Variants in PLXNA4 observed in about 807,000 individuals in gnomAD.
The protein encoded by PLXNA4 is plexin A4, also known as plexin-A4.
PLXNA4 carries 44 observed loss-of-function variants against 191.8 expected under a neutral mutation model. That is an observed-to-expected ratio of 0.23 (90% CI 0.18 to 0.29). The LOEUF is 0.29. PLXNA4 is among the 10% of genes least tolerant of loss of function. The pLI, the probability that PLXNA4 is intolerant of heterozygous loss-of-function variation, is 1.00. For synonymous variants in PLXNA4, 1,082 were observed against 1,009.5 expected, an observed-to-expected ratio of 1.07 and a Z score of -1.36; for missense variants, 1,800 against 2,488.8, an observed-to-expected ratio of 0.72 and a Z score of 5.89.
intron 1 of PLXNA4, among the ~76,000 whole-genome samples, chr7:132,539,391 T>C (rs1799977632): frequency 1.3e-5 from 2 of 152,168 alleles, no homozygotes; most frequent in Non-Finnish European, 2.9e-5. Context: ...GGTTCTCAAG[T>C]TGCAATTGGT....
intron 1 of PLXNA4, among the ~76,000 whole-genome samples, chr7:132,527,680 A>G (rs1261609567): frequency 6.6e-6 from 1 of 152,152 alleles, no homozygotes; most frequent in Non-Finnish European, 1.5e-5. Flanking sequence ...CGGACCAATA[A>G]CCTGTATTCC....
chr7:132,300,930 G>T (rs989480823), intron 3 of PLXNA4, among the ~76,000 whole-genome samples: 1 of 152,180 alleles, frequency 6.6e-6, no homozygotes. Flanking sequence ...TTTATCTTTC[G>T]ACTCCAACTT....
chr7:132,536,338 A>G (rs183672314), intron 1 of PLXNA4, among the ~76,000 whole-genome samples: 1 of 152,098 alleles, frequency 6.6e-6, no homozygotes, highest in Non-Finnish European at 1.5e-5. Flanking sequence ...CCTAGTCTTG[A>G]TCCTTGCAAC....
intron 3 of PLXNA4, among the ~76,000 whole-genome samples, chr7:132,365,332 TGTGTG>T (rs1804112864): frequency 1.8e-5 from 2 of 112,776 alleles, no homozygotes; most frequent in African/African-American, 9.7e-5. Context: ...GGCCCGCGTG[TGTGTG>T]TGTGTGTGTG....
Position 132,474,640 on chromosome 7 carries a change from G to A in PLXNA4, c.1371+14652C>T, listed in dbSNP as rs955319884. The stretch of plus-strand genomic sequence containing the variant: ...CACATGTACACACACACACACACGC[G>A]CGCGCACGCACACACACACAATTAA... On this transcript the variant is annotated intron_variant, in intron 3 of 31. Transcript: ENST00000321063. 1.3e-3 allele frequency among the ~76,000 whole-genome samples: 180 copies of A among 143,086 alleles called. 1 individual carries two copies. The highest frequency in any genetic ancestry group is 4.7e-3 in the African/African-American group (167 of 35,334). The allele number at this position is 143,086 out of a possible 152,430, so 93.9% of individuals were successfully genotyped here. A position where few individuals can be genotyped will look rare whatever the true frequency, so the allele number is the denominator to read the frequency against.
chr7:132,151,355 A>AAGGAGGAGGAGGAGAAAGG (rs1562885023), intron 25 of PLXNA4, among the ~76,000 whole-genome samples: 45 of 28,660 alleles, frequency 1.6e-3, no homozygotes, highest in African/African-American at 4.1e-3. Context: ...GAGGAAGAAG[A>AAGGAGGAGGAGGAGAAAGG]AGGAGGAGGA....
intron 4 of PLXNA4, among the ~76,000 whole-genome samples, chr7:132,250,544 T>C (rs1173388363): frequency 1.3e-5 from 2 of 152,200 alleles, no homozygotes; most frequent in Admixed American, 6.5e-5. Flanking sequence ...TGAGCTCTCA[T>C]GCTCACATTC....
intron 3 of PLXNA4, among the ~76,000 whole-genome samples, chr7:132,391,684 A>G (rs150943720): frequency 0.012 from 1,778 of 152,246 alleles, 33 homozygotes; most frequent in African/African-American, 0.04. Flanking sequence ...ACCAGTGTGA[A>G]TTAATCTCCA....
intron 3 of PLXNA4, chr7:132,484,918 C>G (rs577727553): frequency 1.1e-5 from 17 of 1,614,222 alleles, no homozygotes; most frequent in Non-Finnish European, 1.4e-5. Context: ...ACACACACAG[C>G]ATCTGTTCCT....
chr7:132,629,759 C>T (rs1226905490), intron 2 of PLXNA4, among the ~76,000 whole-genome samples: 3 of 152,216 alleles, frequency 2.0e-5, no homozygotes, highest in African/African-American at 4.8e-5. Flanking sequence ...AGTAAGGGCT[C>T]TTTTCCTGGC....
At chr7:132,132,927 G>GTGGTTCC in intron 31 of PLXNA4, 122 bp downstream of exon 31, 1 of 1,414,726 alleles carries the variant, frequency 7.1e-7, no homozygotes, top group Non-Finnish European at 9.4e-7. Flanking sequence ...GTCCTCAGTG[G>GTGGTTCC]TGGTTCCCCC....
At position 132,130,136 on chromosome 7, in the gene PLXNA4, T is replaced by G; in HGVS notation, c.*343A>C. 7.8e-6 allele frequency: 2 copies of G among 256,320 alleles called. No homozygotes were observed. Among genetic ancestry groups the G allele is most frequent in the Non-Finnish European group, 1.6e-5 (2 of 128,952 alleles). The allele number at this position is 256,320 out of a possible 1,614,324, so 15.9% of individuals were successfully genotyped here. A position where few individuals can be genotyped will look rare whatever the true frequency, so the allele number is the denominator to read the frequency against. On this transcript the variant is annotated 3_prime_UTR_variant, in exon 32 of 32. Coordinates refer to ENST00000321063, the MANE Select transcript of PLXNA4 (RefSeq NM_020911.2). ...AATGTCCCCTGTCCCTGGCTCCTCA[T>G]TCGTTATTTGCACCCTGCTGCTGAC...
At chr7:132,174,751 A>T (rs1796403030) in intron 21 of PLXNA4, 27 bp downstream of exon 21, 1 of 1,608,496 alleles carries the variant, frequency 6.2e-7, no homozygotes, top group African/African-American at 1.3e-5. Flanking sequence ...CCCTGCTCTA[A>T]TGCCAGGATG....
intron 1 of PLXNA4, among the ~76,000 whole-genome samples, chr7:132,570,353 C>A (rs564521652): frequency 6.6e-6 from 1 of 152,286 alleles, no homozygotes; most frequent in South Asian, 2.1e-4. Context: ...ACGTCTGCTA[C>A]TGTCTCCTCT....
At position 132,154,056 on chromosome 7, in the gene PLXNA4, C is replaced by T. The variant is rs1584771259; in HGVS notation, c.4661-5410G>A. 3.9e-5 allele frequency among the ~76,000 whole-genome samples: 6 copies of T among 152,290 alleles called. 2 individuals are homozygous for T. Among genetic ancestry groups the T allele is most frequent in the Admixed American group, 3.9e-4 (6 of 15,308 alleles). On this transcript the variant is annotated intron_variant, in intron 25 of 31. Coordinates refer to ENST00000321063, the MANE Select transcript of PLXNA4 (RefSeq NM_020911.2). Reference sequence around the variant, plus strand: ...GTCCACGCAGGACCACCTTCATGACCACATGCCTGGACCTCCACCCCTGCC... The same window carrying T: ...GTCCACGCAGGACCACCTTCATGACTACATGCCTGGACCTCCACCCCTGCC...
chr7:132,629,586 A>T (rs1803452256), intron 2 of PLXNA4, among the ~76,000 whole-genome samples: 1 of 152,240 alleles, frequency 6.6e-6, no homozygotes, highest in Non-Finnish European at 1.5e-5. Context: ...ATCCAACTGC[A>T]TCTTATAACA....
intron 2 of PLXNA4, among the ~76,000 whole-genome samples, chr7:132,614,793 C>G (rs977959007): frequency 9.9e-5 from 15 of 152,108 alleles, no homozygotes; most frequent in South Asian, 2.1e-4. Flanking sequence ...TGGGAAATGC[C>G]GGAGACACCT....
chr7:132,283,179 A>G (rs187066431), intron 4 of PLXNA4, among the ~76,000 whole-genome samples: 4 of 152,308 alleles, frequency 2.6e-5, no homozygotes, highest in African/African-American at 4.8e-5. Flanking sequence ...CTAGCATCCA[A>G]CTTTAATTGT....
intron 20 of PLXNA4, 72 bp from the exon 21 acceptor site, chr7:132,174,992 C>A: frequency 6.3e-7 from 1 of 1,589,658 alleles, no homozygotes; most frequent in Non-Finnish European, 8.6e-7. Flanking sequence ...TCAGAATGCT[C>A]AGAACCCTTA....
Sources: allele counts gnomAD v4.1 joint callset (sites outside exome capture counted in the v4.1 genomes callset), GRCh38; gene constraint gnomAD v4.1.1; transcripts MANE v1.5; gene names NCBI Gene and HGNC (gene_info 2026-07-23, HGNC 2026-07-21).